The following TFDP2 variants were observed in gnomAD, a reference collection of about 807,000 sequenced individuals.
TFDP2 encodes the protein transcription factor Dp-2 (E2F dimerization partner 2).
In TFDP2, 17 loss-of-function variants were observed where a neutral mutation model predicts 59.3. That is an observed-to-expected ratio of 0.29 (90% confidence interval 0.20 to 0.43). The LOEUF is 0.43. Ranked by LOEUF, TFDP2 falls within the 20% of genes least tolerant of loss-of-function variation. The pLI is 1.00. For missense variants in TFDP2, 391 were observed against 528.8 expected, an observed-to-expected ratio of 0.74 and a Z score of 2.56; for synonymous variants, 180 against 194.7, an observed-to-expected ratio of 0.92 and a Z score of 0.63.
At chr3:141,994,955 T>G (rs988401823) in intron 5 of TFDP2, 65 bp downstream of exon 5, 73 of 1,387,164 alleles carry the variant, frequency 5.3e-5, no homozygotes, top group Non-Finnish European at 6.7e-5. Flanking sequence ...GAAGACAAGA[T>G]AGTAAGAAAA....
intron 9 of TFDP2, among the ~76,000 whole-genome samples, chr3:141,968,382 T>TATATAA (rs1559936864): frequency 2.2e-5 from 2 of 89,040 alleles, no homozygotes; most frequent in East Asian, 3.3e-4. Flanking sequence ...AACATATATC[T>TATATAA]CATATATATA....
In TFDP2 at chr3:141,969,091, CATAT is replaced by C. The variant is rs374942084; in HGVS notation, c.732+978_732+981del. Among the ~76,000 whole-genome samples, 76 of 43,240 alleles carry C rather than the reference CATAT, an allele frequency of 1.8e-3. 5 individuals carry two copies. The highest frequency in any genetic ancestry group is 1.9e-3 in the Non-Finnish European group (52 of 26,722). 28.4% of individuals were successfully genotyped at this position (43,240 alleles called of 152,430 possible). Reference sequence around the variant, plus strand: ...ATATATATGAGATATATATATATAACATATATATATATCTCATATATATGAGATA... The same window carrying C: ...ATATATATGAGATATATATATATAACATATATATCTCATATATATGAGATA... On this transcript the variant is annotated intron_variant, in intron 9 of 12. Transcript: ENST00000489671.
At chr3:142,100,849 G>A (rs941613258) in intron 2 of TFDP2, among the ~76,000 whole-genome samples, 2 of 152,180 alleles carry the variant, frequency 1.3e-5, no homozygotes, top group Non-Finnish European at 2.9e-5. Flanking sequence ...TGAGAGAGAT[G>A]AGAAATGAAA....
intron 6 of TFDP2, among the ~76,000 whole-genome samples, chr3:141,992,050 A>G (rs1168736619): frequency 2.7e-5 from 4 of 150,642 alleles, no homozygotes; most frequent in African/African-American, 9.7e-5. Context: ...TCAAAAAAAA[A>G]AAAAAAGAAA....
At chr3:142,089,209 T>A (rs2060916513) in intron 3 of TFDP2, among the ~76,000 whole-genome samples, 1 of 151,568 alleles carries the variant, frequency 6.6e-6, no homozygotes, top group Admixed American at 6.6e-5. Context: ...CTTGCATTTG[T>A]GCTTTCACCC....
chr3:142,053,391 G>A (rs1189198486), intron 3 of TFDP2, among the ~76,000 whole-genome samples: 2 of 152,046 alleles, frequency 1.3e-5, no homozygotes, highest in Admixed American at 6.5e-5. Context: ...CTCTTGCCAC[G>A]TGACTTGCTG....
chr3:142,045,154 C>CTTT (rs566115352), intron 3 of TFDP2, among the ~76,000 whole-genome samples: 7,457 of 137,672 alleles, frequency 0.054, 282 homozygotes, highest in Middle Eastern at 0.09. Flanking sequence ...AATCTCTTTC[C>CTTT]TTTTTTTTTT....
chr3:141,983,690 A>G (rs966817077), intron 6 of TFDP2, among the ~76,000 whole-genome samples: 3 of 152,138 alleles, frequency 2.0e-5, no homozygotes, highest in Non-Finnish European at 2.9e-5. Context: ...AAATAGCCAA[A>G]AAGTACATGA....
chr3:141,981,978 A>T (rs1362759033), intron 6 of TFDP2, among the ~76,000 whole-genome samples: 1 of 152,216 alleles, frequency 6.6e-6, no homozygotes, highest in Admixed American at 6.5e-5. Flanking sequence ...CTGAGATCGA[A>T]GAGATGAATT....
intron 6 of TFDP2, among the ~76,000 whole-genome samples, chr3:141,993,062 T>A (rs1942934715): frequency 6.7e-6 from 1 of 149,870 alleles, no homozygotes; most frequent in Admixed American, 6.6e-5. Flanking sequence ...TAGCCGGGTG[T>A]GGTGGCTCAT....
chr3:142,096,189 T>A lies in TFDP2; in HGVS notation c.16-3062A>T, dbSNP rs538622627. 8.5e-5 allele frequency among the ~76,000 whole-genome samples: 13 copies of A among 152,298 alleles called. No homozygotes were observed. The East Asian group carries it at 1.9e-3, about 23-fold the overall frequency. The stretch of plus-strand genomic sequence containing the variant: ...AGTCCATACTGCATGCTAATCTTAG[T>A]CTCATAGATGGAGGGGAGGTGTTTG... On this transcript the variant is annotated intron_variant, in intron 2 of 12. Coordinates refer to ENST00000489671, the MANE Select transcript of TFDP2 (RefSeq NM_001178139.2).
intron 1 of TFDP2, among the ~76,000 whole-genome samples, chr3:142,129,494 A>C (rs2062410265): frequency 1.3e-5 from 2 of 152,192 alleles, no homozygotes; most frequent in Non-Finnish European, 2.9e-5. Flanking sequence ...AAAAAAAGAC[A>C]GTATTAACAG....
chr3:141,990,463 C>T (rs1942640449), intron 6 of TFDP2, among the ~76,000 whole-genome samples: 2 of 152,086 alleles, frequency 1.3e-5, no homozygotes, highest in South Asian at 4.1e-4. Flanking sequence ...TTAGTAGAGA[C>T]AAGTTTCACC....
intron 4 of TFDP2, among the ~76,000 whole-genome samples, chr3:141,999,378 T>G (rs1943562698): frequency 6.6e-6 from 1 of 152,230 alleles, no homozygotes; most frequent in Admixed American, 6.5e-5. Flanking sequence ...TAGTAAGGCT[T>G]CTAGTCAATA....
At chr3:142,123,552 G>A (rs2062129535) in intron 1 of TFDP2, among the ~76,000 whole-genome samples, 1 of 152,168 alleles carries the variant, frequency 6.6e-6, no homozygotes, top group Admixed American at 6.5e-5. Flanking sequence ...ACAGGCTTGA[G>A]CAACTGCACC....
At chr3:142,137,208 T>C (rs2108742879) in intron 1 of TFDP2, among the ~76,000 whole-genome samples, 1 of 152,366 alleles carries the variant, frequency 6.6e-6, no homozygotes, top group South Asian at 2.1e-4. Context: ...GTAGGAATGC[T>C]TGTGATTTCT....
intron 11 of TFDP2, among the ~76,000 whole-genome samples, chr3:141,955,751 G>T (rs1386220580): frequency 1.3e-5 from 2 of 152,174 alleles, no homozygotes; most frequent in African/African-American, 4.8e-5. Context: ...ATTCTAGATG[G>T]TTATACTTAC....
chr3:142,045,513 A>T (rs879445620), intron 3 of TFDP2, among the ~76,000 whole-genome samples: 2 of 152,002 alleles, frequency 1.3e-5, no homozygotes, highest in African/African-American at 2.4e-5. Flanking sequence ...AATTTCTGTC[A>T]ATTATTTGAA....
chr3:141,957,350 A>G (rs1936815172), intron 11 of TFDP2, among the ~76,000 whole-genome samples: 1 of 152,180 alleles, frequency 6.6e-6, no homozygotes, highest in South Asian at 2.1e-4. Context: ...AGAAATTGGA[A>G]CACTTATCCA....
Sources: gnomAD v4.1 joint callset for allele counts (sites outside exome capture counted in the v4.1 genomes callset) on GRCh38, gnomAD v4.1.1 for gene constraint, MANE v1.5 for transcripts, NCBI Gene and HGNC (gene_info 2026-07-23, HGNC 2026-07-21) for gene names.